Variants in SLC35F3 observed in about 807,000 individuals in gnomAD.
SLC35F3 encodes solute carrier family 35 member F3.
Under a neutral mutation model 49.9 loss-of-function variants are expected in SLC35F3, and 25 were observed. The ratio of observed to expected loss-of-function variants is 0.50; its 90% CI spans 0.37 to 0.70. The LOEUF is 0.70. Ranked by LOEUF, SLC35F3 falls within the 30% of genes least tolerant of loss-of-function variation. The pLI is 0.00. For synonymous variants in SLC35F3, 275 were observed against 265.4 expected, an observed-to-expected ratio of 1.04 and a Z score of -0.35; for missense variants, 525 against 639.8, an observed-to-expected ratio of 0.82 and a Z score of 1.94.
At chr1:234,117,789 G>A (rs1665511184) in intron 2 of SLC35F3, among the ~76,000 whole-genome samples, 1 of 151,310 alleles carries the variant, frequency 6.6e-6, no homozygotes, top group Non-Finnish European at 1.5e-5. Flanking sequence ...AGGAGGCTGA[G>A]GCAGGAGAAT....
intron 2 of SLC35F3, among the ~76,000 whole-genome samples, chr1:234,056,572 T>A (rs902322101): frequency 1.2e-4 from 19 of 152,218 alleles, no homozygotes; most frequent in Admixed American, 7.9e-4. Flanking sequence ...TTTCTGTCTA[T>A]AGATGTGCCT....
At chr1:234,068,963 A>G in intron 2 of SLC35F3, among the ~76,000 whole-genome samples, 1 of 124,580 alleles carries the variant, frequency 8.0e-6, no homozygotes, top group East Asian at 2.1e-4. Context: ...CATATAATAT[A>G]TAAAATTATA....
chr1:234,319,226 A>C (rs1276314964), intron 6 of SLC35F3, among the ~76,000 whole-genome samples: 1 of 152,240 alleles, frequency 6.6e-6, no homozygotes, highest in Non-Finnish European at 1.5e-5. Flanking sequence ...CAGTACAGCA[A>C]GGAGCTGATA....
chr1:234,017,541 G>A (rs935817971), intron 2 of SLC35F3, among the ~76,000 whole-genome samples: 8 of 151,270 alleles, frequency 5.3e-5, no homozygotes, highest in African/African-American at 1.7e-4. Context: ...GTGAAACCCC[G>A]TCTCTACTAA....
intron 2 of SLC35F3, among the ~76,000 whole-genome samples, chr1:233,933,625 C>T (rs1233399301): frequency 6.6e-6 from 1 of 152,090 alleles, no homozygotes; most frequent in Non-Finnish European, 1.5e-5. Context: ...CCGAGGCGGG[C>T]AGATGACTTG....
At position 234,167,445 on chromosome 1, in the gene SLC35F3, G is replaced by A. The variant is rs573063556; in HGVS notation, c.284-63972G>A. 8.6e-4 allele frequency among the ~76,000 whole-genome samples: 131 copies of A among 152,248 alleles called. 1 individual carries two copies. The highest frequency in any genetic ancestry group is 2.5e-3 in the African/African-American group (102 of 41,554). ...CATGACTCACCACAAAGGAGCACTG[G>A]ATCCCCCCAAATCCATGGCTCCTCA... is the stretch of plus-strand genomic sequence containing the variant. On this transcript the variant is annotated intron_variant, in intron 2 of 7. Coordinates refer to ENST00000366618, the MANE Select transcript of SLC35F3 (RefSeq NM_173508.4).
rs1013274520 is a variant in SLC35F3, at chr1:234,229,258, T to C, written c.284-2159T>C. 5.5e-5 allele frequency among the ~76,000 whole-genome samples: 8 copies of C among 145,330 alleles called. No individual in the cohort carries two copies. The Admixed American group carries it at 5.9e-4, about 11-fold the overall frequency. On this transcript the variant is annotated intron_variant, in intron 2 of 7. Coordinates refer to ENST00000366618, the MANE Select transcript of SLC35F3 (RefSeq NM_173508.4). ...TCCTTATAACGCCTGTTAACTGCAT[T>C]ACATTTTGGAAAACGTTCTATTTAT...
chr1:234,320,333 C>T lies in SLC35F3; in HGVS notation c.1237+146C>T, dbSNP rs757934867. ...TCATGCATACACACACACACACATACTCTCACATACATACTCACATATATT... is the reference window on the plus strand; with the variant it reads ...TCATGCATACACACACACACACATATTCTCACATACATACTCACATATATT... On this transcript the variant is annotated intron_variant, in intron 7 of 7. Coordinates refer to ENST00000366618, the MANE Select transcript of SLC35F3 (RefSeq NM_173508.4). This position sits in a 1 kb window ranked among gnomAD's most constrained non-coding sequence, Gnocchi z 4.8. 1.6e-5 allele frequency: 10 copies of T among 629,162 alleles called. No homozygotes were observed. Among genetic ancestry groups the T allele is most frequent in the African/African-American group, 5.4e-5 (3 of 55,434 alleles). The allele number at this position is 629,162 out of a possible 1,614,324, so 39.0% of individuals were successfully genotyped here.
At chr1:234,040,757 G>A (rs1309925599) in intron 2 of SLC35F3, among the ~76,000 whole-genome samples, 2 of 152,216 alleles carry the variant, frequency 1.3e-5, no homozygotes, top group East Asian at 1.9e-4. Flanking sequence ...TTACAAAGTG[G>A]TTAACAACTA....
At chr1:233,950,457 T>TTTCCTTCCTTCCTTCCTTCCTTCC (rs374073382) in intron 2 of SLC35F3, among the ~76,000 whole-genome samples, 23 of 127,256 alleles carry the variant, frequency 1.8e-4, no homozygotes, top group Non-Finnish European at 3.2e-5. Context: ...TCCTTCCTTC[T>TTTCCTTCCTTCCTTCCTTCCTTCC]TTCCTTCCTT....
At chr1:233,990,387 C>T (rs1201771318) in intron 2 of SLC35F3, among the ~76,000 whole-genome samples, 2 of 152,142 alleles carry the variant, frequency 1.3e-5, no homozygotes, top group Non-Finnish European at 2.9e-5. Flanking sequence ...TACTTATTAG[C>T]AATGTGAACA....
Position 234,231,598 on chromosome 1 carries a change from C to T in SLC35F3, c.465C>T (p.Leu155=). The change falls in exon 3 of 8, where the codon CTC becomes CTT. Residue 155 remains leucine (L), a synonymous_variant. Transcript: ENST00000366618. This position sits in a 1 kb window ranked among gnomAD's most constrained non-coding sequence, Gnocchi z 5.4. ...VCSSWAGSTQ[L]AKLTFRKFDA... is the part of the protein sequence containing the mutation. ...CCTCGTGGGCGGGCTCCACGCAGCT[C>T]GCCAAGCTGACCTTCAGGAAGTTCG... 6.2e-7 allele frequency: 1 copy of T among 1,614,204 alleles called. No homozygotes were observed. The highest frequency in any genetic ancestry group is 8.5e-7 in the Non-Finnish European group (1 of 1,180,014).
At chr1:234,014,972 C>G (rs548587150) in intron 2 of SLC35F3, among the ~76,000 whole-genome samples, 1 of 152,214 alleles carries the variant, frequency 6.6e-6, no homozygotes, top group East Asian at 1.9e-4. Flanking sequence ...AATAGAAAAA[C>G]AATCCTAAAA....
intron 2 of SLC35F3, among the ~76,000 whole-genome samples, chr1:234,052,888 G>A (rs950673984): frequency 2.0e-5 from 3 of 152,082 alleles, no homozygotes; most frequent in South Asian, 2.1e-4. Flanking sequence ...CCTTCATTTC[G>A]TTATGTACCC....
chr1:234,241,946 C>T (rs1192400887), intron 3 of SLC35F3, among the ~76,000 whole-genome samples: 2 of 152,100 alleles, frequency 1.3e-5, no homozygotes, highest in Non-Finnish European at 2.9e-5. Flanking sequence ...GGCCTTTCTG[C>T]ACATGCCATA....
chr1:234,313,204 G>C (rs1209064112), intron 4 of SLC35F3, among the ~76,000 whole-genome samples: 1 of 152,128 alleles, frequency 6.6e-6, no homozygotes, highest in Non-Finnish European at 1.5e-5. Flanking sequence ...GACTAAGCAG[G>C]AGGAGCCCTA....
At chr1:233,999,200 C>T (rs1023536969) in intron 2 of SLC35F3, among the ~76,000 whole-genome samples, 5 of 152,116 alleles carry the variant, frequency 3.3e-5, no homozygotes, top group African/African-American at 1.2e-4. Context: ...GAGGTCATCC[C>T]ACGTTTTTTC....
intron 2 of SLC35F3, among the ~76,000 whole-genome samples, chr1:234,129,016 C>T (rs897895104): frequency 1.3e-5 from 2 of 152,140 alleles, no homozygotes; most frequent in Admixed American, 6.5e-5. Flanking sequence ...ATGTTTTTGT[C>T]CAGCACTAGA....
chr1:234,007,813 G>T (rs1663653078), intron 2 of SLC35F3, among the ~76,000 whole-genome samples: 1 of 152,058 alleles, frequency 6.6e-6, no homozygotes, highest in African/African-American at 2.4e-5. Flanking sequence ...GCTTAGAATT[G>T]GTCATTAAAA....
Sources: gnomAD v4.1 joint callset for allele counts (sites outside exome capture counted in the v4.1 genomes callset) on GRCh38, gnomAD v4.1.1 for gene constraint, Gnocchi (gnomAD v3.1) non-coding constraint, MANE v1.5 for transcripts, NCBI Gene and HGNC (gene_info 2026-07-23, HGNC 2026-07-21) for gene names.